The following DNHD1 variants were observed in gnomAD, a reference collection of about 807,000 sequenced individuals.
DNHD1 encodes the protein dynein heavy chain domain 1, also known as dynein heavy chain domain-containing protein 1.
Under a neutral mutation model 458.1 loss-of-function variants are expected in DNHD1, and 383 were observed. The ratio of observed to expected loss-of-function variants is 0.84; its 90% CI spans 0.77 to 0.91. DNHD1 has a LOEUF of 0.91. DNHD1 is among the 40% of genes least tolerant of loss of function. The probability of loss-of-function intolerance (pLI) is 0.00; values close to 1 mark genes in which losing one functional copy is unlikely to be tolerated. For synonymous variants in DNHD1, 2,203 were observed against 2,376.9 expected, an observed-to-expected ratio of 0.93 and a Z score of 2.13; for missense variants, 5,336 against 5,866.1, an observed-to-expected ratio of 0.91 and a Z score of 2.95.
chr11:6,555,960 CTT>C (rs1489843325), intron 24 of DNHD1, among the ~76,000 whole-genome samples: 3 of 151,998 alleles, frequency 2.0e-5, no homozygotes, highest in South Asian at 2.1e-4. Flanking sequence ...TAAATCATGT[CTT>C]AATAAAATTT....
At chr11:6,563,233 TCTCC>T (rs1853622771) in intron 29 of DNHD1, 102 bp downstream of exon 29, 1 of 1,533,994 alleles carries the variant, frequency 6.5e-7, no homozygotes, top group South Asian at 1.2e-5. Flanking sequence ...CATCATGGAA[TCTCC>T]TGGGGGGAGG....
chr11:6,568,825 G>A lies in DNHD1; in HGVS notation c.12822G>A (p.Arg4274=), dbSNP rs764065057. 64 of 1,612,632 alleles carry A rather than the reference G, an allele frequency of 4.0e-5. No individual in the cohort carries two copies. The highest frequency in any genetic ancestry group is 4.7e-5 in the Non-Finnish European group (55 of 1,179,464). ...TCCTCCATGGCCTCCTGCTACACCG[G>A]CAGCTCTATGGAACAAGGCTGCAGG... is the stretch of plus-strand genomic sequence containing the variant. The part of the protein sequence containing the change: ...LLLLHGLLLH[R]QLYGTRLQAH... Residue 4274 remains arginine, a synonymous_variant, in exon 39 of 43, where the codon CGG becomes CGA. Coordinates refer to ENST00000254579, the MANE Select transcript of DNHD1 (RefSeq NM_144666.3).
At chr11:6,529,178 G>A in intron 12 of DNHD1, 57 bp downstream of exon 12, 1 of 1,533,650 alleles carries the variant, frequency 6.5e-7, no homozygotes, top group East Asian at 2.5e-5. Flanking sequence ...CTATTCACAT[G>A]GCCTGCCTTG....
chr11:6,539,161 A>G (rs1853034394), intron 16 of DNHD1, 58 bp from the exon 17 acceptor site: 10 of 1,205,388 alleles, frequency 8.3e-6, no homozygotes, highest in Non-Finnish European at 4.8e-6. Flanking sequence ...GATATGGGAT[A>G]TGGGTTGGAC....
rs368269463 is a variant in DNHD1 at position 6,558,162 on chromosome 11, G to A, written c.8867G>A (p.Arg2956His). 35 of 1,543,946 alleles carry A rather than the reference G, an allele frequency of 2.3e-5. No individual in the cohort carries two copies. In the African/African-American group the frequency reaches 3.8e-4, roughly 17 times the overall value. Reference sequence around the variant, plus strand: ...GGTGTGGATCTCACTACACTTCATCGCCTCCTGGCCCTGGCAACCTCAGGC... The same window carrying A: ...GGTGTGGATCTCACTACACTTCATCACCTCCTGGCCCTGGCAACCTCAGGC... Reference protein sequence around the residue: ...PSGVDLTTLHRLLALATSGSF... With the variant: ...PSGVDLTTLHHLLALATSGSF... Residue 2956 changes from arginine to histidine, a missense_variant, in exon 25 of 43, where the codon CGC (arginine) becomes CAC (histidine). Transcript: ENST00000254579.
chr11:6,540,284 C>G (rs1426596540), intron 18 of DNHD1, among the ~76,000 whole-genome samples: 1 of 152,222 alleles, frequency 6.6e-6, no homozygotes, highest in Non-Finnish European at 1.5e-5. Context: ...TCCCCTTCCC[C>G]TCACCCATCT....
chr11:6,498,202 A>T lies in DNHD1; in HGVS notation c.-14A>T. The stretch of plus-strand genomic sequence containing the variant: ...GCAAGGTCACTTCGACAGCAGTTGA[A>T]TGCCCAGCTCCTCATGGTCCCGGAG... On this transcript the variant is annotated 5_prime_UTR_variant, in exon 3 of 43. It removes an upstream start codon present in the reference 5' UTR. Coordinates refer to ENST00000254579, the MANE Select transcript of DNHD1 (RefSeq NM_144666.3). 1 of 1,601,034 alleles carries T rather than the reference A, an allele frequency of 6.2e-7. No homozygotes were observed. Among genetic ancestry groups the T allele is most frequent in the Non-Finnish European group, 8.5e-7 (1 of 1,171,678 alleles).
In DNHD1 at chr11:6,511,361, G is replaced by T. The variant is rs375892626; in HGVS notation, c.1324G>T (p.Glu442Ter). 21 of 1,614,220 alleles carry T rather than the reference G, an allele frequency of 1.3e-5. No homozygotes were observed. The highest frequency in any genetic ancestry group is 1.7e-5 in the Admixed American group (1 of 60,028). ...GCTGGACCTGCAGACGGCTCTAGCC[G>T]AGGAGAAGCATAAGGCTCTACGGCT... ...ELLDLQTALA[E>*]EKHKALRLLH... The change falls in exon 7 of 43, where the codon GAG becomes TAG. Residue 442 changes from glutamate to a stop codon, truncating the protein, a stop_gained. Transcript: ENST00000254579. LOFTEE classifies it high-confidence loss of function.
chr11:6,498,811 T>C lies in DNHD1; in HGVS notation c.596T>C (p.Ile199Thr), dbSNP rs1852084495. Residue 199 changes from isoleucine (I) to threonine (T), a missense_variant, in exon 3 of 43, where the codon ATT (isoleucine) becomes ACT (threonine). This residue lies in a region of DNHD1 where 3,932 missense variants were observed against 4,365.6 expected (regional missense o/e 0.90). Transcript: ENST00000254579. ...CCTGAGCTACAGCGCTGCCTGGGCA[T>C]TGTTGGTGCTCAGGTGGCCCTAGAA... ...TLPELQRCLGIVGAQVALEEA... is the reference protein window; with the variant it reads ...TLPELQRCLGTVGAQVALEEA... 6.2e-7 allele frequency: 1 copy of C among 1,614,184 alleles called. No homozygotes were observed. Among genetic ancestry groups the C allele is most frequent in the East Asian group, 2.2e-5 (1 of 44,886 alleles).
In DNHD1 at chr11:6,564,653, C is replaced by G; in HGVS notation, c.10605C>G (p.His3535Gln). ...GNLKPQAKSA[H>Q]LAGLLLRSPT... ...TGAAGCCACAGGCAAAGTCGGCCCA[C>G]CTGGCAGGCTTGCTTCTGCGAAGCC... is the stretch of plus-strand genomic sequence containing the variant. Residue 3535 changes from histidine to glutamine, a missense_variant, in exon 32 of 43, where the codon CAC becomes CAG. By Grantham distance (24) the His-to-Gln change is conservative. Coordinates refer to ENST00000254579, the MANE Select transcript of DNHD1 (RefSeq NM_144666.3). 6.4e-7 allele frequency: 1 copy of G among 1,551,734 alleles called. No homozygotes were observed.
intron 19 of DNHD1, 62 bp downstream of exon 19, chr11:6,544,308 TG>T: frequency 1.3e-6 from 2 of 1,541,420 alleles, no homozygotes; most frequent in Non-Finnish European, 1.8e-6. Flanking sequence ...CCCAGAGGGA[TG>T]GGGGTGAGAG....
At chr11:6,561,392 C>T (rs1455203549) in intron 28 of DNHD1, among the ~76,000 whole-genome samples, 1 of 152,082 alleles carries the variant, frequency 6.6e-6, no homozygotes, top group African/African-American at 2.4e-5. Flanking sequence ...TGCACCACTG[C>T]ACTCCAGCTT....
rs964854106 is a variant in DNHD1 at position 6,540,097 on chromosome 11, C to G, written c.3628+14C>G. On this transcript the variant is annotated intron_variant, in intron 18 of 42. Transcript: ENST00000254579. Reference sequence around the variant, plus strand: ...TCATCCTCTCAGGTGAGACCCAGACCTTGTGACCTAGTGAAAGCCCCCTGC... The same window carrying G: ...TCATCCTCTCAGGTGAGACCCAGACGTTGTGACCTAGTGAAAGCCCCCTGC... 7.7e-6 allele frequency: 12 copies of G among 1,548,836 alleles called. No homozygotes were observed. In the African/African-American group the frequency reaches 1.5e-4, roughly 19 times the overall value.
At chr11:6,512,426 G>A (rs902102711) in intron 7 of DNHD1, among the ~76,000 whole-genome samples, 5 of 151,514 alleles carry the variant, frequency 3.3e-5, no homozygotes, top group Non-Finnish European at 5.9e-5. Flanking sequence ...GTTTCACTGT[G>A]TTAGCCAGGA....
chr11:6,509,282 T>C lies in DNHD1; in HGVS notation c.1235+10T>C. ...TACTCCATATTAGCAGGTGAGGTAT[T>C]AAAAACACAACTTCATTGAGTTTTT... On this transcript the variant is annotated intron_variant, in intron 6 of 42. Transcript: ENST00000254579. 2 of 1,598,040 alleles carry C rather than the reference T, an allele frequency of 1.3e-6. No individual in the cohort carries two copies. Among genetic ancestry groups the C allele is most frequent in the Non-Finnish European group, 1.7e-6 (2 of 1,171,778 alleles).
intron 7 of DNHD1, among the ~76,000 whole-genome samples, chr11:6,512,053 C>A (rs1349242399): frequency 6.6e-6 from 1 of 152,020 alleles, no homozygotes; most frequent in East Asian, 1.9e-4. Context: ...GTGAAAATAA[C>A]TAATTAATGT....
rs1589892578 is a variant in DNHD1, at chr11:6,558,370, C to T, written c.9002+73C>T. The stretch of plus-strand genomic sequence containing the variant: ...CTTGGCCAAAAGGCCAAAAGGAATT[C>T]TGTGGGCTGCCATGAGGGCTGAGAA... On this transcript the variant is annotated intron_variant, in intron 25 of 42. Transcript: ENST00000254579. 4.6e-6 allele frequency: 7 copies of T among 1,532,008 alleles called. No individual in the cohort carries two copies. In the South Asian group the frequency reaches 6.1e-5, roughly 13 times the overall value. 94.9% of individuals were successfully genotyped at this position (1,532,008 alleles called of 1,614,324 possible).
At position 6,544,568 on chromosome 11, in the gene DNHD1, A is replaced by C; in HGVS notation, c.3755-6A>C. ...CCCACCAGCATTCCTCTGGCTGCTT[A>C]CACAGGTGCCCTGCTGGAGGTGTGG... On this transcript the variant is annotated splice_region_variant and splice_polypyrimidine_tract_variant and intron_variant, in intron 19 of 42. Coordinates refer to ENST00000254579, the MANE Select transcript of DNHD1 (RefSeq NM_144666.3). The C allele has an allele frequency of 6.4e-7, 1 of 1,550,428 alleles. No individual in the cohort carries two copies. The highest frequency in any genetic ancestry group is 8.7e-7 in the Non-Finnish European group (1 of 1,146,022).
At chr11:6,517,835 T>A (rs1676335946) in intron 7 of DNHD1, among the ~76,000 whole-genome samples, 1 of 151,984 alleles carries the variant, frequency 6.6e-6, no homozygotes, top group Admixed American at 6.6e-5. Context: ...TAGCACTACT[T>A]AAAATTAACA....
Sources: allele counts gnomAD v4.1 joint callset (sites outside exome capture counted in the v4.1 genomes callset), GRCh38; gene constraint gnomAD v4.1.1; regional missense constraint gnomAD v4.1.1; transcripts MANE v1.5; gene names NCBI Gene and HGNC (gene_info 2026-07-23, HGNC 2026-07-21).